Variants in MAPKAP1 observed in about 807,000 individuals in gnomAD.
The protein encoded by MAPKAP1 is target of rapamycin complex 2 subunit MAPKAP1.
In MAPKAP1, 20 loss-of-function variants were observed where a neutral mutation model predicts 65.7. The ratio of observed to expected loss-of-function variants is 0.30; its 90% CI spans 0.21 to 0.44. The LOEUF (loss-of-function observed/expected upper bound fraction) is 0.44. Among genes scored for constraint, MAPKAP1 ranks in the 20% least tolerant of loss-of-function variants. The probability of loss-of-function intolerance (pLI) is 1.00; values close to 1 mark genes in which losing one functional copy is unlikely to be tolerated. For synonymous variants in MAPKAP1, 222 were observed against 244.3 expected (o/e 0.91, Z 0.85); for missense variants, 423 against 648.0 (o/e 0.65, Z 3.77).
chr9:125,499,386 G>T (rs956093676), intron 8 of MAPKAP1, among the ~76,000 whole-genome samples: 5 of 152,144 alleles, frequency 3.3e-5, no homozygotes, highest in African/African-American at 1.2e-4. Flanking sequence ...CCTTTTAAAA[G>T]CCTTTAAAAT....
intron 10 of MAPKAP1, among the ~76,000 whole-genome samples, chr9:125,463,339 G>T (rs1258782766): frequency 6.6e-6 from 1 of 152,212 alleles, no homozygotes; most frequent in Non-Finnish European, 1.5e-5. Flanking sequence ...GGCCATTAAG[G>T]TTGCTGAAGA....
intron 7 of MAPKAP1, among the ~76,000 whole-genome samples, chr9:125,519,887 G>C (rs1295277996): frequency 2.6e-5 from 4 of 152,024 alleles, no homozygotes; most frequent in Non-Finnish European, 5.9e-5. Context: ...TGCAGGCTTT[G>C]AGATAAGTGG....
chr9:125,512,400 T>A (rs1338102930), intron 7 of MAPKAP1, among the ~76,000 whole-genome samples: 5 of 152,142 alleles, frequency 3.3e-5, no homozygotes, highest in African/African-American at 1.2e-4. Flanking sequence ...TGTAACTAGC[T>A]CCTATCATGT....
At chr9:125,456,460 G>A (rs1446346009) in intron 10 of MAPKAP1, among the ~76,000 whole-genome samples, 2 of 152,144 alleles carry the variant, frequency 1.3e-5, no homozygotes, top group Non-Finnish European at 2.9e-5. Flanking sequence ...TTCTGAAATG[G>A]CTCCCAATGA....
chr9:125,559,697 A>G lies in MAPKAP1; in HGVS notation c.784T>C (p.Leu262=), dbSNP rs376292562. The G allele has an allele frequency of 7.1e-5, 114 of 1,613,888 alleles. No homozygotes were observed. Among genetic ancestry groups the G allele is most frequent in the Non-Finnish European group, 9.1e-5 (107 of 1,179,920 alleles). ...GATGAGTACTTTTCAACCAGGGCCA[A>G]AGTACTGAAGCCAAACTTATGAATG... ...EPIHKFGFST[L]ALVEKYSSPG... The change falls in exon 6 of 12, where the codon TTG becomes CTG. Residue 262 remains leucine (L), a synonymous_variant. Coordinates refer to ENST00000265960, the MANE Select transcript of MAPKAP1 (RefSeq NM_001006617.3).
intron 10 of MAPKAP1, among the ~76,000 whole-genome samples, chr9:125,456,815 C>T (rs1381542758): frequency 6.6e-6 from 1 of 152,082 alleles, no homozygotes; most frequent in African/African-American, 2.4e-5. Flanking sequence ...TTTTGAGAGA[C>T]CCCAAGCCAG....
chr9:125,574,076 G>C (rs762588177), intron 5 of MAPKAP1, among the ~76,000 whole-genome samples: 1 of 152,166 alleles, frequency 6.6e-6, no homozygotes, highest in Admixed American at 6.5e-5. Context: ...ATGCATGAAT[G>C]AATAGAAATG....
intron 8 of MAPKAP1, among the ~76,000 whole-genome samples, chr9:125,499,001 T>C (rs1339271706): frequency 1.3e-5 from 2 of 152,258 alleles, no homozygotes; most frequent in African/African-American, 2.4e-5. Context: ...TGAGTACTTA[T>C]TATGTGCTGT....
rs138501652 is a variant in MAPKAP1, at chr9:125,591,657, A to G, written c.499-5930T>C. The stretch of plus-strand genomic sequence containing the variant: ...AAAGTGCCTTGCACACTGAAATTAC[A>G]TATTTTTTAATAAGGAGACTGTCTT... On this transcript the variant is annotated intron_variant, in intron 4 of 11. Transcript: ENST00000265960. Among the ~76,000 whole-genome samples the G allele has an allele frequency of 3.1e-4, 47 of 152,336 alleles. No individual in the cohort carries two copies. The East Asian group carries it at 5.8e-3, about 19-fold the overall frequency.
intron 6 of MAPKAP1, among the ~76,000 whole-genome samples, chr9:125,552,722 T>A (rs1830618586): frequency 6.6e-6 from 1 of 152,164 alleles, no homozygotes; most frequent in African/African-American, 2.4e-5. Context: ...CAGCATTTCC[T>A]GAGGTTCAAG....
At chr9:125,621,622 G>T (rs1440675173) in intron 4 of MAPKAP1, among the ~76,000 whole-genome samples, 1 of 152,152 alleles carries the variant, frequency 6.6e-6, no homozygotes, top group Non-Finnish European at 1.5e-5. Context: ...AATAAAGTCA[G>T]ATAAGAAGTT....
At chr9:125,660,928 TGAAAA>T (rs1263735785) in intron 3 of MAPKAP1, among the ~76,000 whole-genome samples, 1 of 151,388 alleles carries the variant, frequency 6.6e-6, no homozygotes, top group Non-Finnish European at 1.5e-5. Context: ...CCTGACCACA[TGAAAA>T]GAAAACACTT....
chr9:125,693,699 G>A lies in MAPKAP1; in HGVS notation c.-70+13272C>T, dbSNP rs200652213. On this transcript the variant is annotated intron_variant, in intron 1 of 11. Coordinates refer to ENST00000265960, the MANE Select transcript of MAPKAP1 (RefSeq NM_001006617.3). ...CGTATATATACACGTATATATACAC[G>A]TATATATACACATATATACACGTAT... is the stretch of plus-strand genomic sequence containing the variant. Among the ~76,000 whole-genome samples the A allele has an allele frequency of 8.4e-4, 51 of 60,998 alleles. 1 individual carries two copies. Among genetic ancestry groups the A allele is most frequent in the East Asian group, 2.4e-3 (6 of 2,550 alleles). The allele number at this position is 60,998 out of a possible 152,430, so 40.0% of individuals were successfully genotyped here.
At chr9:125,574,735 G>A (rs1831340459) in intron 5 of MAPKAP1, among the ~76,000 whole-genome samples, 1 of 152,174 alleles carries the variant, frequency 6.6e-6, no homozygotes, top group African/African-American at 2.4e-5. Context: ...ACTAATATTG[G>A]TTGTGGTAGT....
chr9:125,510,706 G>A (rs1279760300), intron 7 of MAPKAP1, among the ~76,000 whole-genome samples: 1 of 152,174 alleles, frequency 6.6e-6, no homozygotes, highest in African/African-American at 2.4e-5. Context: ...GGGAAGGCAG[G>A]GTGGTTAAGC....
chr9:125,603,267 A>G (rs540158383), intron 4 of MAPKAP1, among the ~76,000 whole-genome samples: 1 of 152,186 alleles, frequency 6.6e-6, no homozygotes, highest in South Asian at 2.1e-4. Context: ...GCCACAGACA[A>G]TCTGTACTCG....
intron 5 of MAPKAP1, chr9:125,568,629 C>T (rs535344048): frequency 6.6e-6 from 1 of 152,288 alleles, no homozygotes; most frequent in South Asian, 2.1e-4. Flanking sequence ...GATGATGGGG[C>T]CCATCTGAGG....
At chr9:125,478,727 A>C (rs1189506786) in intron 9 of MAPKAP1, among the ~76,000 whole-genome samples, 1 of 152,088 alleles carries the variant, frequency 6.6e-6, no homozygotes, top group Non-Finnish European at 1.5e-5. Context: ...ATTCTGCTGG[A>C]AGTCTCCGTA....
intron 8 of MAPKAP1, among the ~76,000 whole-genome samples, chr9:125,499,975 A>G (rs1032955546): frequency 5.3e-5 from 8 of 152,156 alleles, no homozygotes; most frequent in Non-Finnish European, 1.2e-4. Flanking sequence ...TGACAGAATG[A>G]GACTCTTTCA....
Sources: gnomAD v4.1 joint callset for allele counts (sites outside exome capture counted in the v4.1 genomes callset) on GRCh38, gnomAD v4.1.1 for gene constraint, MANE v1.5 for transcripts, NCBI Gene and HGNC (gene_info 2026-07-23, HGNC 2026-07-21) for gene names.